Variants in PGBD2 observed in about 807,000 individuals in gnomAD.
The protein encoded by PGBD2 is piggyBac transposable element-derived protein 2.
PGBD2 carries 6 observed loss-of-function variants against 8.1 expected under a neutral mutation model. The ratio of observed to expected loss-of-function variants is 0.74; its 90% CI spans 0.40 to 1.46. The LOEUF is 1.46. PGBD2 is among the 40% of genes most tolerant of loss of function. PGBD2 has a pLI of 0.02. For synonymous variants in PGBD2, 318 were observed against 272.2 expected (o/e 1.17, Z -1.66); for missense variants, 802 against 739.0 (o/e 1.09, Z -0.99).
At chr1:248,883,584 CTTTTTTTTTTTTTTTTTT>C in the PGBD2 span, among the ~76,000 whole-genome samples, 1 of 89,164 alleles carries the variant, frequency 1.1e-5, no homozygotes, top group African/African-American at 5.1e-5. Context: ...TTTTTTTTTT[CTTTTTTTTTTTTTTTTTT>C]TTTGAGACAG....
the PGBD2 span, among the ~76,000 whole-genome samples, chr1:248,888,518 A>G: frequency 1.3e-5 from 2 of 152,132 alleles, no homozygotes; most frequent in Admixed American, 6.5e-5. Context: ...CTTTTTTTAC[A>G]TATTGGTTGG....
chr1:248,926,727 G>C, the PGBD2 span, among the ~76,000 whole-genome samples: 2 of 152,190 alleles, frequency 1.3e-5, no homozygotes, highest in African/African-American at 4.8e-5. Context: ...TAAGAGCAGA[G>C]TCGTGTTTAG....
At chr1:248,878,033 T>C in the PGBD2 span, among the ~76,000 whole-genome samples, 5 of 152,214 alleles carry the variant, frequency 3.3e-5, no homozygotes, top group South Asian at 2.1e-4. Context: ...AGGCTGGAGA[T>C]TGGGGTAATT....
At chr1:248,926,326 A>G in the PGBD2 span, among the ~76,000 whole-genome samples, 30,828 of 152,098 alleles carry the variant, frequency 0.2, 7,765 homozygotes, top group African/African-American at 0.6. Context: ...ATTATATTAC[A>G]CTATTACATA....
the PGBD2 span, among the ~76,000 whole-genome samples, chr1:248,886,677 G>C: frequency 0.048 from 7,300 of 152,240 alleles, 563 homozygotes; most frequent in African/African-American, 0.17. Flanking sequence ...TGCCTGGGGA[G>C]ACAGCACTTT....
the PGBD2 span, among the ~76,000 whole-genome samples, chr1:248,886,962 G>A: frequency 6.6e-6 from 1 of 152,012 alleles, no homozygotes; most frequent in Non-Finnish European, 1.5e-5. Flanking sequence ...TGGTTTGGCT[G>A]CCCATTATGA....
chr1:248,873,926 G>A, the PGBD2 span, among the ~76,000 whole-genome samples: 3 of 152,192 alleles, frequency 2.0e-5, no homozygotes, highest in Non-Finnish European at 4.4e-5. Context: ...TCTGGTCTCC[G>A]GATGGAGGCG....
the PGBD2 span, among the ~76,000 whole-genome samples, chr1:248,874,516 A>G: frequency 3.3e-5 from 5 of 152,206 alleles, no homozygotes; most frequent in African/African-American, 1.2e-4. Context: ...ATATCTTAAG[A>G]ACGGAGAAAA....
At chr1:248,922,065 T>C (rs1662296224), downstream of PGBD2, among the ~76,000 whole-genome samples, 1 of 149,928 alleles carries the variant, frequency 6.7e-6, no homozygotes, top group Admixed American at 6.6e-5. Context: ...CTTTTTTCTT[T>C]TTTTTTTTTT....
At chr1:248,889,256 G>A in the PGBD2 span, among the ~76,000 whole-genome samples, 10 of 152,142 alleles carry the variant, frequency 6.6e-5, no homozygotes, top group South Asian at 2.1e-4. Flanking sequence ...GTGGTGGTGC[G>A]TGCCTGTAAT....
chr1:248,879,600 A>C, the PGBD2 span, among the ~76,000 whole-genome samples: 2 of 151,838 alleles, frequency 1.3e-5, no homozygotes, highest in African/African-American at 4.8e-5. Flanking sequence ...GGGTCTTGCT[A>C]TGTTGCCCAG....
the PGBD2 span, among the ~76,000 whole-genome samples, chr1:248,889,223 A>C: frequency 6.6e-6 from 1 of 152,096 alleles, no homozygotes; most frequent in Admixed American, 6.5e-5. Flanking sequence ...CATCTCTACC[A>C]AAAATACAAA....
chr1:248,902,955 T>C (rs1330609671), upstream of PGBD2, among the ~76,000 whole-genome samples: 3 of 150,222 alleles, frequency 2.0e-5, no homozygotes, highest in Non-Finnish European at 4.4e-5. Context: ...AAAATCAGCA[T>C]GGCACATTTA....
At chr1:248,912,429 CA>C (rs1370372320) in intron 1 of PGBD2, among the ~76,000 whole-genome samples, 1 of 152,158 alleles carries the variant, frequency 6.6e-6, no homozygotes, top group Non-Finnish European at 1.5e-5. Flanking sequence ...TTCCATGCCT[CA>C]GTTTCCTCAA....
Position 248,916,775 on chromosome 1 carries a change from G to T in PGBD2, c.191G>T (p.Ser64Ile), listed in dbSNP as rs372989941. 1.1e-4 allele frequency: 170 copies of T among 1,614,076 alleles called. No individual in the cohort carries two copies. Among genetic ancestry groups the T allele is most frequent in the Non-Finnish European group, 5.8e-5 (69 of 1,180,038 alleles). Residue 64 changes from serine (S) to isoleucine (I), a missense_variant, in exon 3 of 3, where the codon AGC becomes ATC. Ser to Ile is a moderately radical substitution (Grantham distance 142). Transcript: ENST00000329291. The part of the protein sequence containing the change: ...FTDEDSGDED[S>I]QRGAHLPGSV... ...GATGAGGACTCAGGGGATGAAGACAGCCAGCGAGGTGCTCACCTACCTGGC... is the reference window on the plus strand; with the variant it reads ...GATGAGGACTCAGGGGATGAAGACATCCAGCGAGGTGCTCACCTACCTGGC...
At chr1:248,891,888 G>T in the PGBD2 span, among the ~76,000 whole-genome samples, 1 of 152,184 alleles carries the variant, frequency 6.6e-6, no homozygotes, top group Non-Finnish European at 1.5e-5. Flanking sequence ...AGTCTTTATA[G>T]CTAATTTATA....
chr1:248,908,299 T>G (rs143938428), intron 1 of PGBD2, among the ~76,000 whole-genome samples: 6 of 152,178 alleles, frequency 3.9e-5, no homozygotes, highest in Non-Finnish European at 8.8e-5. Context: ...TTTTTCTTTG[T>G]TGAGTGCCTG....
Position 248,917,566 on chromosome 1 carries a change from G to A in PGBD2, c.982G>A (p.Gly328Ser), listed in dbSNP as rs750462158. The A allele has an allele frequency of 1.9e-6, 3 of 1,614,106 alleles. No individual in the cohort carries two copies. The African/African-American group carries it at 4.0e-5, about 22-fold the overall frequency. The change falls in exon 3 of 3, where the codon GGC becomes AGC. Residue 328 changes from glycine to serine, a missense_variant. Coordinates refer to ENST00000329291, the MANE Select transcript of PGBD2 (RefSeq NM_170725.3). ...TKPDRSLDLG[G>S]SMVIKFVDAL... ...GCCAGACAGGAGCTTGGATCTAGGAGGCAGTATGGTAATAAAATTTGTGGA... is the reference window on the plus strand; with the variant it reads ...GCCAGACAGGAGCTTGGATCTAGGAAGCAGTATGGTAATAAAATTTGTGGA...
At chr1:248,925,004 C>T in the PGBD2 span, among the ~76,000 whole-genome samples, 9 of 151,738 alleles carry the variant, frequency 5.9e-5, no homozygotes, top group African/African-American at 1.7e-4. Flanking sequence ...TTAATTCTAA[C>T]GGAGGGCTTT....
Sources: gnomAD v4.1 joint callset for allele counts (sites outside exome capture counted in the v4.1 genomes callset) on GRCh38, gnomAD v4.1.1 for gene constraint, MANE v1.5 for transcripts, NCBI Gene and HGNC (gene_info 2026-07-23, HGNC 2026-07-21) for gene names.